SLC25A25: variants seen among roughly 807,000 people sequenced by gnomAD.
SLC25A25 encodes the protein mitochondrial adenyl nucleotide antiporter SLC25A25.
In SLC25A25, 32 loss-of-function variants were observed where a neutral mutation model predicts 57.7. That is an observed-to-expected ratio of 0.55 (90% CI 0.42 to 0.74). The LOEUF is 0.74. SLC25A25 is among the 30% of genes least tolerant of loss of function. The pLI is 0.00. For missense variants in SLC25A25, 556 were observed against 701.3 expected (o/e 0.79, Z 2.34); for synonymous variants, 306 against 291.2 (o/e 1.05, Z -0.52).
chr9:128,095,040 C>T lies in SLC25A25; in HGVS notation c.262-6056C>T, dbSNP rs1339425119. On this transcript the variant is annotated intron_variant, in intron 1 of 10. Transcript: ENST00000373069. This position sits in a 1 kb window ranked among gnomAD's most constrained non-coding sequence, Gnocchi z 4.4. ...CCAGATCTTGGAGTGTCAAGAAGGCCGGTGTGAAGCATCAGGGCTGAAACC... is the reference window on the plus strand; with the variant it reads ...CCAGATCTTGGAGTGTCAAGAAGGCTGGTGTGAAGCATCAGGGCTGAAACC... 2.6e-5 allele frequency among the ~76,000 whole-genome samples: 4 copies of T among 152,156 alleles called. No individual in the cohort carries two copies. The highest frequency in any genetic ancestry group is 2.9e-5 in the Non-Finnish European group (2 of 68,028).
Position 128,107,279 on chromosome 9 carries a change from G to A in SLC25A25, c.1383G>A (p.Pro461=), listed in dbSNP as rs16930267. 4.3e-3 allele frequency: 6,902 copies of A among 1,590,896 alleles called. 257 individuals carry two copies. The African/African-American group carries it at 0.081, about 19-fold the overall frequency. Residue 461 remains proline (P), a synonymous_variant, in exon 11 of 11, where the codon CCG becomes CCA. Transcript: ENST00000373069. ...MQAQASIEGA[P]EVTMSSLFKH... is the part of the protein sequence containing the mutation. ...CTGCAGCCTCTATTGAGGGCGCTCC[G>A]GAGGTGACCATGAGCAGCCTCTTCA...
chr9:128,100,926 T>C, intron 1 of SLC25A25, 170 bp from the exon 2 acceptor site: 2 of 850,482 alleles, frequency 2.4e-6, no homozygotes, highest in Non-Finnish European at 3.6e-6. Flanking sequence ...GGCTCTGGCA[T>C]GTAAGTCGAT....
chr9:128,091,695 C>A, intron 1 of SLC25A25: 1 of 1,344,658 alleles, frequency 7.4e-7, no homozygotes, highest in Non-Finnish European at 9.5e-7. Flanking sequence ...AGGCCGGGCA[C>A]GACAGCAGTG....
intron 1 of SLC25A25, among the ~76,000 whole-genome samples, chr9:128,078,085 C>G: frequency 6.6e-6 from 1 of 151,514 alleles, no homozygotes. Context: ...GTTCCTTCTG[C>G]TGCTTGCTAG....
intron 6 of SLC25A25, 67 bp from the exon 7 acceptor site, chr9:128,105,662 G>C: frequency 6.2e-7 from 1 of 1,609,972 alleles, no homozygotes; most frequent in Non-Finnish European, 8.5e-7. Flanking sequence ...GCCAGCAGAG[G>C]CTCTTGGCCG....
In SLC25A25 at chr9:128,106,185, G is replaced by C. The variant is rs1834025729; in HGVS notation, c.972G>C (p.Leu324=). 6.2e-7 allele frequency: 1 copy of C among 1,614,130 alleles called. No homozygotes were observed. Among genetic ancestry groups the C allele is most frequent in the African/African-American group, 1.3e-5 (1 of 74,958 alleles). The change falls in exon 8 of 11, where the codon CTG becomes CTC. Residue 324 remains leucine (L), a synonymous_variant. Transcript: ENST00000373069. The stretch of plus-strand genomic sequence containing the variant: ...TTGTTGGTAGTGACCAGGAGACTCT[G>C]AGGATTCACGAGAGGCTTGTGGCAG... ...KRLVGSDQET[L]RIHERLVAGS...
intron 1 of SLC25A25, chr9:128,092,078 C>G (rs771768229): frequency 3.1e-5 from 50 of 1,613,672 alleles, no homozygotes; most frequent in Non-Finnish European, 1.9e-5. Flanking sequence ...ACCTGCAGAG[C>G]AGTTTCCTAA....
chr9:128,098,658 A>C, intron 1 of SLC25A25: 1 of 1,614,134 alleles, frequency 6.2e-7, no homozygotes, highest in Non-Finnish European at 8.5e-7. Context: ...GCCGAGCTGA[A>C]GTCCATTTTC....
At chr9:128,071,701 C>T (rs1375215991) in intron 1 of SLC25A25, among the ~76,000 whole-genome samples, 56 of 149,616 alleles carry the variant, frequency 3.7e-4, no homozygotes, top group Non-Finnish European at 1.8e-4. Context: ...CGTGAGCTAC[C>T]GCGCCTGGCC....
chr9:128,106,027 C>T lies in SLC25A25; in HGVS notation c.937-123C>T, dbSNP rs1834017253. On this transcript the variant is annotated intron_variant, in intron 7 of 10. Coordinates refer to ENST00000373069, the MANE Select transcript of SLC25A25 (RefSeq NM_001330988.2). ...CAGGGCGAGGCAGGAGGCCCAGGCTCACCACGAGTTCCTTACATTTCTGGG... is the reference window on the plus strand; with the variant it reads ...CAGGGCGAGGCAGGAGGCCCAGGCTTACCACGAGTTCCTTACATTTCTGGG... 4 of 1,528,612 alleles carry T rather than the reference C, an allele frequency of 2.6e-6. No individual in the cohort carries two copies. The East Asian group carries it at 9.0e-5, about 34-fold the overall frequency. The allele number at this position is 1,528,612 out of a possible 1,614,324, so 94.7% of individuals were successfully genotyped here. A position where few individuals can be genotyped will look rare whatever the true frequency, so the allele number is the denominator to read the frequency against.
chr9:128,091,840 T>C, intron 1 of SLC25A25: 1 of 1,581,952 alleles, frequency 6.3e-7, no homozygotes, highest in Admixed American at 1.7e-5. Flanking sequence ...AAGTGAACAG[T>C]CGCCATCAGA....
chr9:128,107,328 G>T lies in SLC25A25; in HGVS notation c.1432G>T (p.Ala478Ser). 6.5e-7 allele frequency: 1 copy of T among 1,546,594 alleles called. No homozygotes were observed. The highest frequency in any genetic ancestry group is 8.8e-7 in the Non-Finnish European group (1 of 1,142,158). ...LFKHILRTEG[A>S]FGLYRGLAPN... ...CAAACATATCCTGCGGACCGAGGGG[G>T]CCTTCGGGCTGTACAGGGGGCTGGC... Residue 478 changes from alanine to serine, a missense_variant, in exon 11 of 11, where the codon GCC (alanine) becomes TCC (serine). Transcript: ENST00000373069.
At chr9:128,100,765 C>T (rs925141625) in intron 1 of SLC25A25, 9 of 301,588 alleles carry the variant, frequency 3.0e-5, no homozygotes, top group African/African-American at 1.1e-4. Flanking sequence ...CTGTACGGCA[C>T]GCAGGTCTTC....
intron 1 of SLC25A25, among the ~76,000 whole-genome samples, chr9:128,092,363 A>G (rs2130803546): frequency 6.6e-6 from 1 of 152,340 alleles, no homozygotes; most frequent in Admixed American, 6.5e-5. Context: ...GTTTGGCTGA[A>G]GAAAGCCATT....
intron 1 of SLC25A25, among the ~76,000 whole-genome samples, chr9:128,085,525 C>G (rs1306419372): frequency 6.6e-6 from 1 of 152,104 alleles, no homozygotes; most frequent in Non-Finnish European, 1.5e-5. Context: ...GAACACATTT[C>G]CATCGATTCC....
chr9:128,072,535 C>T (rs891984387), intron 1 of SLC25A25, among the ~76,000 whole-genome samples: 2 of 152,198 alleles, frequency 1.3e-5, no homozygotes, highest in Non-Finnish European at 2.9e-5. Context: ...GTCAAGTTTT[C>T]TTTAAAAGTA....
rs1833708868 is a variant in SLC25A25, at chr9:128,099,720, A to C, written c.262-1376A>C. 1.3e-5 allele frequency among the ~76,000 whole-genome samples: 2 copies of C among 152,306 alleles called. No homozygotes were observed. Among genetic ancestry groups the C allele is most frequent in the African/African-American group, 2.4e-5 (1 of 41,564 alleles). ...GCGCCAGGTCATGGGGTATCTGTTC[A>C]GGCCTCCCTGCCCCTGACACCTTTG... On this transcript the variant is annotated intron_variant, in intron 1 of 10. Transcript: ENST00000373069. This position sits in a 1 kb window ranked among gnomAD's most constrained non-coding sequence, Gnocchi z 6.8.
At position 128,106,436 on chromosome 9, in the gene SLC25A25, G is replaced by C. The variant is rs531778526; in HGVS notation, c.1128G>C (p.Glu376Asp). 1 of 1,613,554 alleles carries C rather than the reference G, an allele frequency of 6.2e-7. No individual in the cohort carries two copies. The highest frequency in any genetic ancestry group is 2.2e-5 in the East Asian group (1 of 44,892). ...GCGCCAGGAGGATCCTGGCCAGAGA[G>C]GGGGTGGCCGCCTTCTACAAAGGCT... ...LDCARRILAR[E>D]GVAAFYKGYV... The change falls in exon 9 of 11, where the codon GAG becomes GAC. Residue 376 changes from glutamate (E) to aspartate (D), a missense_variant. Glu to Asp is a conservative substitution (Grantham distance 45). Around this residue, in one of 3 missense-constraint regions of SLC25A25, gnomAD observed 294 missense variants for 389.6 expected, o/e 0.75. Coordinates refer to ENST00000373069, the MANE Select transcript of SLC25A25 (RefSeq NM_001330988.2).
chr9:128,084,687 T>C (rs559557297), intron 1 of SLC25A25, among the ~76,000 whole-genome samples: 3 of 152,220 alleles, frequency 2.0e-5, no homozygotes, highest in Non-Finnish European at 4.4e-5. Context: ...CCCAGCCACC[T>C]TGGGCTCATG....
Sources: allele counts gnomAD v4.1 joint callset (sites outside exome capture counted in the v4.1 genomes callset), GRCh38; gene constraint gnomAD v4.1.1; regional missense constraint gnomAD v4.1.1; non-coding constraint Gnocchi (gnomAD v3.1); transcripts MANE v1.5; gene names NCBI Gene and HGNC (gene_info 2026-07-23, HGNC 2026-07-21).